Variants in FRMD8 observed in about 807,000 individuals in gnomAD.
FRMD8 encodes FERM domain-containing protein 8.
In FRMD8, 37 loss-of-function variants were observed where a neutral mutation model predicts 54.2. That is an observed-to-expected ratio of 0.68 (90% confidence interval 0.53 to 0.90). The LOEUF is 0.90. FRMD8 is among the 40% of genes least tolerant of loss of function. FRMD8 has a pLI of 0.00. For synonymous variants in FRMD8, 246 were observed against 286.9 expected (o/e 0.86, Z 1.44); for missense variants, 585 against 653.7 (o/e 0.89, Z 1.15).
intron 7 of FRMD8, among the ~76,000 whole-genome samples, chr11:65,398,275 C>T (rs958982563): frequency 6.6e-6 from 1 of 152,202 alleles, no homozygotes; most frequent in African/African-American, 2.4e-5. Flanking sequence ...TGGGATCATA[C>T]GCATGAGCCA....
chr11:65,399,513 C>G (rs1369493364), intron 7 of FRMD8, among the ~76,000 whole-genome samples: 1 of 152,210 alleles, frequency 6.6e-6, no homozygotes, highest in African/African-American at 2.4e-5. Flanking sequence ...GCCCACCCTT[C>G]TCTGTGCCAT....
At chr11:65,401,685 G>A (rs1457825468) in intron 9 of FRMD8, among the ~76,000 whole-genome samples, 8 of 104,246 alleles carry the variant, frequency 7.7e-5, no homozygotes, top group Non-Finnish European at 1.3e-4. Context: ...GCTTCTTTCC[G>A]CCCCCACCAG....
rs371301297 is a variant in FRMD8, at chr11:65,389,361, C to T, written c.86C>T (p.Ala29Val). ...TGAGCCTGCCTGGTCTCCATCACAG[C>T]GGCTGACGTGCTGGTATACCTAGCG... ...RSSVSSVGAR[A>V]ADVLVYLADD... The change falls in exon 3 of 11, where the codon GCG becomes GTG. Residue 29 changes from alanine to valine, a missense_variant and splice_region_variant. Coordinates refer to ENST00000317568, the MANE Select transcript of FRMD8 (RefSeq NM_031904.5). 44 of 1,609,596 alleles carry T rather than the reference C, an allele frequency of 2.7e-5. No homozygotes were observed. Among genetic ancestry groups the T allele is most frequent in the African/African-American group, 2.4e-4 (18 of 74,932 alleles).
In FRMD8 at chr11:65,386,683, C is replaced by T. The variant is rs1436360646; in HGVS notation, c.-79C>T. ...TCCTTAGCGGGAGCCCGAGTGCGGG[C>T]GGTGGCGGGCTTGGCGGCGGGGCAG... On this transcript the variant is annotated 5_prime_UTR_variant, in exon 1 of 11. Transcript: ENST00000317568. 3.1e-5 allele frequency: 9 copies of T among 290,296 alleles called. No homozygotes were observed. Among genetic ancestry groups the T allele is most frequent in the African/African-American group, 1.3e-4 (6 of 45,690 alleles). The allele number at this position is 290,296 out of a possible 1,614,324, so 18.0% of individuals were successfully genotyped here.
At chr11:65,401,740 C>T (rs1373066606) in intron 9 of FRMD8, among the ~76,000 whole-genome samples, 1 of 150,940 alleles carries the variant, frequency 6.6e-6, no homozygotes, top group East Asian at 2.0e-4. Context: ...ATTTTCCTGG[C>T]CCCCCTCGAG....
rs887238962 is a variant in FRMD8, at chr11:65,404,750, T to C, written c.1072-114T>C. The stretch of plus-strand genomic sequence containing the variant: ...GCCTCCCTGCTCCCTCCCTCCTGAG[T>C]GATGTGTGTCCCCTCCCCTGCTTCC... On this transcript the variant is annotated intron_variant, in intron 9 of 10. Coordinates refer to ENST00000317568, the MANE Select transcript of FRMD8 (RefSeq NM_031904.5). The surrounding 1 kb of genome is among the most constrained non-coding windows in gnomAD (Gnocchi z 4.7). 12 of 828,118 alleles carry C rather than the reference T, an allele frequency of 1.4e-5. No individual in the cohort carries two copies. In the African/African-American group the frequency reaches 1.5e-4, roughly 10 times the overall value. 51.3% of individuals were successfully genotyped at this position (828,118 alleles called of 1,614,324 possible). A position where few individuals can be genotyped will look rare whatever the true frequency, so the allele number is the denominator to read the frequency against.
chr11:65,409,224 T>C (rs187111496), intron 10 of FRMD8, among the ~76,000 whole-genome samples: 1 of 151,936 alleles, frequency 6.6e-6, no homozygotes, highest in Non-Finnish European at 1.5e-5. Context: ...GTAGCTGGGA[T>C]TGCAGGCGCC....
At chr11:65,403,485 G>T (rs1856125662) in intron 9 of FRMD8, among the ~76,000 whole-genome samples, 1 of 152,152 alleles carries the variant, frequency 6.6e-6, no homozygotes, top group Non-Finnish European at 1.5e-5. Context: ...ACCTGGCCTG[G>T]CCTGGGACTT....
chr11:65,394,205 G>A lies in FRMD8; in HGVS notation c.415-54G>A, dbSNP rs547165351. The stretch of plus-strand genomic sequence containing the variant: ...CACCTTGCCCCAGCCCAACTGAGCA[G>A]CTCTCCCTGCCCCAGCCCAGCTGAG... On this transcript the variant is annotated intron_variant, in intron 5 of 10. Coordinates refer to ENST00000317568, the MANE Select transcript of FRMD8 (RefSeq NM_031904.5). 92 of 1,591,908 alleles carry A rather than the reference G, an allele frequency of 5.8e-5. 3 individuals are homozygous for A. In the South Asian group the frequency reaches 1.0e-3, roughly 18 times the overall value.
the FRMD8 span, among the ~76,000 whole-genome samples, chr11:65,369,231 C>T: frequency 6.6e-6 from 1 of 152,074 alleles, no homozygotes; most frequent in Non-Finnish European, 1.5e-5. Flanking sequence ...TCAAGGTTTC[C>T]ATAAGGAAGT....
the FRMD8 span, chr11:65,376,367 C>T: frequency 6.2e-7 from 1 of 1,600,946 alleles, no homozygotes; most frequent in Non-Finnish European, 8.5e-7. Context: ...GGCCTCCAGG[C>T]CGTGGGCCTG....
chr11:65,386,469 GGC>G (rs1359299436), upstream of FRMD8: 1 of 153,198 alleles, frequency 6.5e-6, no homozygotes, highest in African/African-American at 2.4e-5. Context: ...CTCTGGTGGT[GGC>G]GGGGCTGGTA....
the FRMD8 span, among the ~76,000 whole-genome samples, chr11:65,373,223 C>T: frequency 9.9e-5 from 15 of 151,870 alleles, no homozygotes; most frequent in Non-Finnish European, 1.9e-4. Context: ...GGTGACAGAG[C>T]AACACACCAT....
At chr11:65,388,150 G>A (rs1855770160) in intron 2 of FRMD8, among the ~76,000 whole-genome samples, 1 of 151,006 alleles carries the variant, frequency 6.6e-6, no homozygotes, top group Admixed American at 6.6e-5. Flanking sequence ...GGCAACGAGG[G>A]TGAAACTCCG....
chr11:65,388,105 G>A (rs1208839169), intron 2 of FRMD8, among the ~76,000 whole-genome samples: 19 of 151,822 alleles, frequency 1.3e-4, no homozygotes, highest in Non-Finnish European at 2.6e-4. Flanking sequence ...CGGAGGTTGC[G>A]GTGAGCTGAG....
the FRMD8 span, chr11:65,378,809 C>T: frequency 7.1e-5 from 11 of 153,876 alleles, no homozygotes; most frequent in African/African-American, 2.7e-4. Context: ...CAGCTGGTCC[C>T]TCTTCCCTCC....
intron 3 of FRMD8, 89 bp from the exon 4 acceptor site, chr11:65,393,484 T>C: frequency 2.1e-6 from 2 of 942,014 alleles, no homozygotes; most frequent in Non-Finnish European, 1.7e-6. Context: ...TGGTTGCGAC[T>C]GTCGTCATGC....
chr11:65,405,136 C>G, intron 10 of FRMD8, 68 bp downstream of exon 10: 2 of 1,476,230 alleles, frequency 1.4e-6, no homozygotes, highest in South Asian at 2.3e-5. Flanking sequence ...GGGGGAGTTC[C>G]TGAGGACAGG....
chr11:65,391,359 C>T (rs528990060), intron 3 of FRMD8, among the ~76,000 whole-genome samples: 1 of 152,206 alleles, frequency 6.6e-6, no homozygotes, highest in East Asian at 1.9e-4. Flanking sequence ...GGAAGGACAT[C>T]CTTGTCTCCA....
Sources: allele counts gnomAD v4.1 joint callset (sites outside exome capture counted in the v4.1 genomes callset), GRCh38; gene constraint gnomAD v4.1.1; non-coding constraint Gnocchi (gnomAD v3.1); transcripts MANE v1.5; gene names NCBI Gene and HGNC (gene_info 2026-07-23, HGNC 2026-07-21).